The following ZNF12 variants were observed in gnomAD, a reference collection of about 807,000 sequenced individuals.
ZNF12 encodes the protein zinc finger protein 12, also known as gonadotropin inducible transcription repressor 3.
ZNF12 carries 34 observed loss-of-function variants against 66.6 expected under a neutral mutation model. The observed-to-expected ratio is 0.51, with a 90% confidence interval of 0.39 to 0.68. The LOEUF is 0.68. Among genes scored for constraint, ZNF12 ranks in the 30% least tolerant of loss-of-function variants. ZNF12 has a pLI of 0.00. For synonymous variants in ZNF12, 320 were observed against 278.9 expected, an observed-to-expected ratio of 1.15 and a Z score of -1.47; for missense variants, 697 against 826.9, an observed-to-expected ratio of 0.84 and a Z score of 1.93.
At position 6,691,711 on chromosome 7, in the gene ZNF12, A is replaced by G; in HGVS notation, c.1231T>C (p.Cys411Arg). ...KIHTGVKLYK[C>R]SECGKCFCRK... Reference sequence around the variant, plus strand: ...CAGAAGCATTTCCCACATTCACTACACTTGTAGAGTTTCACACCTGTGTGA... The same window carrying G: ...CAGAAGCATTTCCCACATTCACTACGCTTGTAGAGTTTCACACCTGTGTGA... The change falls in exon 5 of 5, where the codon TGT (cysteine) becomes CGT (arginine). Residue 411 changes from cysteine to arginine, a missense_variant. This residue lies in a region of ZNF12 where 401 missense variants were observed against 519.0 expected (regional missense o/e 0.77). Coordinates refer to ENST00000405858, the MANE Select transcript of ZNF12 (RefSeq NM_016265.4). 1 of 1,613,738 alleles carries G rather than the reference A, an allele frequency of 6.2e-7. No individual in the cohort carries two copies. The highest frequency in any genetic ancestry group is 8.5e-7 in the Non-Finnish European group (1 of 1,179,832).
chr7:6,704,568 TAAA>T (rs752684046), intron 2 of ZNF12, among the ~76,000 whole-genome samples: 1 of 84,844 alleles, frequency 1.2e-5, no homozygotes, highest in African/African-American at 4.9e-5. Flanking sequence ...GTCTCTACTT[TAAA>T]AAAAAAAAAA....
chr7:6,703,983 G>A (rs1780304230), intron 2 of ZNF12, among the ~76,000 whole-genome samples: 1 of 152,206 alleles, frequency 6.6e-6, no homozygotes, highest in African/African-American at 2.4e-5. Flanking sequence ...CTATGCCAGA[G>A]ATTTATTATG....
Position 6,697,711 on chromosome 7 carries a change from T to C in ZNF12, c.116A>G (p.Glu39Gly). ...QKITYRDVML[E>G]NYSNLVSVGY... ...CACAGAAACTAGATTGCTGTAGTTC[T>C]CCAGCATCACATCCCTGTAAGTTAT... Residue 39 changes from glutamate (E) to glycine (G), a missense_variant, in exon 3 of 5, where the codon GAG becomes GGG. Transcript: ENST00000405858. The surrounding 1 kb of genome is among the most constrained non-coding windows in gnomAD (Gnocchi z 6.1). 6.2e-7 allele frequency: 1 copy of C among 1,614,196 alleles called. No homozygotes were observed. Among genetic ancestry groups the C allele is most frequent in the Non-Finnish European group, 8.5e-7 (1 of 1,180,024 alleles).
rs565118994 is a variant in ZNF12 at position 6,697,211 on chromosome 7, T to G, written c.238+128A>C. 5 of 603,726 alleles carry G rather than the reference T, an allele frequency of 8.3e-6. No individual in the cohort carries two copies. The highest frequency in any genetic ancestry group is 1.4e-5 in the Non-Finnish European group (5 of 363,168). 37.4% of individuals were successfully genotyped at this position (603,726 alleles called of 1,614,324 possible). A position where few individuals can be genotyped will look rare whatever the true frequency, so the allele number is the denominator to read the frequency against. ...CGGGGAAGGAAGAAGTCTTTGGGAGTGAGATTCAGGTTCATAGAGCATATA... is the reference window on the plus strand; with the variant it reads ...CGGGGAAGGAAGAAGTCTTTGGGAGGGAGATTCAGGTTCATAGAGCATATA... On this transcript the variant is annotated intron_variant, in intron 4 of 4. Coordinates refer to ENST00000405858, the MANE Select transcript of ZNF12 (RefSeq NM_016265.4). This position sits in a 1 kb window ranked among gnomAD's most constrained non-coding sequence, Gnocchi z 6.1.
chr7:6,699,983 C>T (rs1231634946), intron 2 of ZNF12, among the ~76,000 whole-genome samples: 2 of 151,952 alleles, frequency 1.3e-5, no homozygotes, highest in South Asian at 4.1e-4. Context: ...ATCCCTCTTA[C>T]AATAAAAATA....
chr7:6,698,068 T>G lies in ZNF12; in HGVS notation c.16-257A>C. The G allele has an allele frequency of 1.5e-6, 1 of 682,310 alleles. No individual in the cohort carries two copies. The highest frequency in any genetic ancestry group is 2.7e-6 in the Non-Finnish European group (1 of 366,820). 42.3% of individuals were successfully genotyped at this position (682,310 alleles called of 1,614,324 possible). The stretch of plus-strand genomic sequence containing the variant: ...AGAAACAATCCTGGCTGTTGGGAAC[T>G]CTTAACACCAGCAGGGACGAATCTC... On this transcript the variant is annotated intron_variant, in intron 2 of 4. Transcript: ENST00000405858. This position sits in a 1 kb window ranked among gnomAD's most constrained non-coding sequence, Gnocchi z 4.4.
rs1226419059 is a variant in ZNF12, at chr7:6,691,885, A to G, written c.1057T>C (p.Tyr353His). 1 of 1,614,216 alleles carries G rather than the reference A, an allele frequency of 6.2e-7. No individual in the cohort carries two copies. The highest frequency in any genetic ancestry group is 1.1e-5 in the South Asian group (1 of 91,076). The change falls in exon 5 of 5, where the codon TAT becomes CAT. Residue 353 changes from tyrosine to histidine, a missense_variant. Physicochemically the swap from Tyr to His is moderately conservative, Grantham distance 83. This residue lies in a region of ZNF12 where 401 missense variants were observed against 519.0 expected (regional missense o/e 0.77). Transcript: ENST00000405858. ...GATTTTCCACAATAACTACATTCAT[A>G]GGGCTTCTCTCCTGAGTGAGTTCTC... is the stretch of plus-strand genomic sequence containing the variant. Reference protein sequence around the residue: ...HQRTHSGEKPYECSYCGKSFC... With the variant: ...HQRTHSGEKPHECSYCGKSFC...
intron 4 of ZNF12, among the ~76,000 whole-genome samples, chr7:6,695,194 C>T (rs937449366): frequency 3.3e-5 from 5 of 152,214 alleles, no homozygotes; most frequent in Admixed American, 1.3e-4. Context: ...GGATTACAGG[C>T]GTAAGCCACC....
intron 4 of ZNF12, among the ~76,000 whole-genome samples, chr7:6,693,455 G>C (rs534906482): frequency 6.6e-6 from 1 of 152,194 alleles, no homozygotes; most frequent in Non-Finnish European, 1.5e-5. Context: ...TGAGGATAGC[G>C]ATGAGATCAA....
intron 2 of ZNF12, among the ~76,000 whole-genome samples, chr7:6,704,740 CAAAAA>C (rs949897713): frequency 0.066 from 2,088 of 31,796 alleles, 6 homozygotes; most frequent in African/African-American, 0.093. Flanking sequence ...TACTTGGTCT[CAAAAA>C]AAAAAAAAAA....
At position 6,705,705 on chromosome 7, in the gene ZNF12, C is replaced by T. The variant is rs1780343380; in HGVS notation, c.-50-482G>A. Among the ~76,000 whole-genome samples the T allele has an allele frequency of 1.4e-5, 2 of 144,968 alleles. No individual in the cohort carries two copies. Among genetic ancestry groups the T allele is most frequent in the African/African-American group, 2.6e-5 (1 of 38,828 alleles). Reference sequence around the variant, plus strand: ...TTGCACTCCAGCCTGGGCAACAAAGCGAAACTTGTCTCAAAAACAAACAAA... The same window carrying T: ...TTGCACTCCAGCCTGGGCAACAAAGTGAAACTTGTCTCAAAAACAAACAAA... On this transcript the variant is annotated intron_variant, in intron 1 of 4. Coordinates refer to ENST00000405858, the MANE Select transcript of ZNF12 (RefSeq NM_016265.4). This position sits in a 1 kb window ranked among gnomAD's most constrained non-coding sequence, Gnocchi z 4.0.
Position 6,698,708 on chromosome 7 carries a change from C to T in ZNF12, c.16-897G>A, listed in dbSNP as rs372598497. The stretch of plus-strand genomic sequence containing the variant: ...CTGGGAACCCCAAATTTCCTTTCTT[C>T]CCATGGTACACGTTCTAGGAGAAAG... On this transcript the variant is annotated intron_variant, in intron 2 of 4. Coordinates refer to ENST00000405858, the MANE Select transcript of ZNF12 (RefSeq NM_016265.4). This position sits in a 1 kb window ranked among gnomAD's most constrained non-coding sequence, Gnocchi z 4.4. 1.3e-5 allele frequency among the ~76,000 whole-genome samples: 2 copies of T among 152,320 alleles called. No homozygotes were observed. The highest frequency in any genetic ancestry group is 4.8e-5 in the African/African-American group (2 of 41,580).
At position 6,705,851 on chromosome 7, in the gene ZNF12, T is replaced by C. The variant is rs1780346642; in HGVS notation, c.-51+581A>G. Among the ~76,000 whole-genome samples, 1 of 152,214 alleles carries C rather than the reference T, an allele frequency of 6.6e-6. No individual in the cohort carries two copies. Among genetic ancestry groups the C allele is most frequent in the African/African-American group, 2.4e-5 (1 of 41,466 alleles). On this transcript the variant is annotated intron_variant, in intron 1 of 4. Coordinates refer to ENST00000405858, the MANE Select transcript of ZNF12 (RefSeq NM_016265.4). The surrounding 1 kb of genome is among the most constrained non-coding windows in gnomAD (Gnocchi z 4.0). The stretch of plus-strand genomic sequence containing the variant: ...CCTAAATAAAGGAATACAGTCGGCA[T>C]AATTGAGTCTTTATTTGCAGAAACT...
At chr7:6,704,597 G>A (rs1440589548) in intron 2 of ZNF12, among the ~76,000 whole-genome samples, 1 of 144,326 alleles carries the variant, frequency 6.9e-6, no homozygotes, top group South Asian at 2.2e-4. Flanking sequence ...AAAAAAGGCC[G>A]GGTGTGGTGG....
Position 6,689,340 on chromosome 7 carries a change from TCAC to T in ZNF12, c.*1505_*1507del, listed in dbSNP as rs1192647846. 6.6e-6 allele frequency: 1 copy of T among 152,236 alleles called. No individual in the cohort carries two copies. The highest frequency in any genetic ancestry group is 1.5e-5 in the Non-Finnish European group (1 of 68,048). 9.4% of individuals were successfully genotyped at this position (152,236 alleles called of 1,614,324 possible). ...GCACCACATCCAGACAAGGTACTGT[TCAC>T]CACAAGATTCCACTTCCCTTTGCTT... On this transcript the variant is annotated 3_prime_UTR_variant, in exon 5 of 5. Transcript: ENST00000405858.
In ZNF12 at chr7:6,698,015, A is replaced by C. The variant is rs770166765; in HGVS notation, c.16-204T>G. On this transcript the variant is annotated intron_variant, in intron 2 of 4. Transcript: ENST00000405858. The surrounding 1 kb of genome is among the most constrained non-coding windows in gnomAD (Gnocchi z 4.4). ...ATCAAACAAAAAACAAAAAACAAAA[A>C]AACAACACTGGGATTGCACGGTGAG... is the stretch of plus-strand genomic sequence containing the variant. 2 of 776,320 alleles carry C rather than the reference A, an allele frequency of 2.6e-6. No homozygotes were observed. The highest frequency in any genetic ancestry group is 2.7e-5 in the South Asian group (2 of 74,258). The allele number at this position is 776,320 out of a possible 1,614,324, so 48.1% of individuals were successfully genotyped here.
chr7:6,692,114 T>C lies in ZNF12; in HGVS notation c.828A>G (p.Lys276=), dbSNP rs1353449738. 1 of 1,614,102 alleles carries C rather than the reference T, an allele frequency of 6.2e-7. No homozygotes were observed. The highest frequency in any genetic ancestry group is 1.3e-5 in the African/African-American group (1 of 75,056). ...TAAATTTTGACTTTTTACAGAAGGA[T>C]TTCCCACATTCACTGCATTCATAGG... ...MKPYECSECG[K]SFCKKSKFII... The change falls in exon 5 of 5, where the codon AAA becomes AAG. Residue 276 remains lysine, a synonymous_variant. Coordinates refer to ENST00000405858, the MANE Select transcript of ZNF12 (RefSeq NM_016265.4). The surrounding 1 kb of genome is among the most constrained non-coding windows in gnomAD (Gnocchi z 5.1).
intron 2 of ZNF12, among the ~76,000 whole-genome samples, chr7:6,699,114 A>G (rs1395119100): frequency 6.6e-6 from 1 of 152,246 alleles, no homozygotes; most frequent in African/African-American, 2.4e-5. Context: ...ATTGGCAAGA[A>G]AGAATCATAA....
At chr7:6,694,306 G>T (rs1780120576) in intron 4 of ZNF12, among the ~76,000 whole-genome samples, 1 of 152,116 alleles carries the variant, frequency 6.6e-6, no homozygotes, top group South Asian at 2.1e-4. Context: ...TGCACATTAA[G>T]TGAAACGATA....
Sources: allele counts gnomAD v4.1 joint callset (sites outside exome capture counted in the v4.1 genomes callset), GRCh38; gene constraint gnomAD v4.1.1; regional missense constraint gnomAD v4.1.1; non-coding constraint Gnocchi (gnomAD v3.1); transcripts MANE v1.5; gene names NCBI Gene and HGNC (gene_info 2026-07-23, HGNC 2026-07-21).